Variants in HMGA2 observed in about 807,000 individuals in gnomAD.
HMGA2 encodes the protein high mobility group protein HMGI-C.
Under a neutral mutation model 19.1 loss-of-function variants are expected in HMGA2, and 8 were observed. The ratio of observed to expected loss-of-function variants is 0.42; its 90% confidence interval spans 0.25 to 0.76. HMGA2 has a LOEUF of 0.76. Ranked by LOEUF, HMGA2 falls within the 30% of genes least tolerant of loss-of-function variation. The pLI is 0.28. For missense variants in HMGA2, 109 were observed against 136.3 expected, an observed-to-expected ratio of 0.80 and a Z score of 1.00; for synonymous variants, 60 against 48.8, an observed-to-expected ratio of 1.23 and a Z score of -0.96.
chr12:65,943,032 A>G (rs1487073315), intron 3 of HMGA2, among the ~76,000 whole-genome samples: 1 of 152,018 alleles, frequency 6.6e-6, no homozygotes, highest in Non-Finnish European at 1.5e-5. Context: ...TCCATATTTG[A>G]TGAGCACGCC....
intron 3 of HMGA2, chr12:65,856,966 A>G (rs1871776516): frequency 6.6e-6 from 1 of 152,256 alleles, no homozygotes; most frequent in African/African-American, 2.4e-5. Flanking sequence ...ATTCATAGAG[A>G]CAAGGTGGGT....
At chr12:65,935,890 TAGG>T (rs2121279458) in intron 3 of HMGA2, among the ~76,000 whole-genome samples, 1 of 152,264 alleles carries the variant, frequency 6.6e-6, no homozygotes, top group Admixed American at 6.5e-5. Context: ...GTTTTGAAGA[TAGG>T]AGAACAAGGG....
chr12:65,860,153 C>A, intron 3 of HMGA2: 1 of 362,158 alleles, frequency 2.8e-6, no homozygotes, highest in Admixed American at 2.9e-5. Flanking sequence ...ACCTACTGAA[C>A]ATCCTAGCTT....
intron 3 of HMGA2, among the ~76,000 whole-genome samples, chr12:65,852,417 C>T (rs376628286): frequency 2.7e-4 from 41 of 152,236 alleles, no homozygotes; most frequent in Middle Eastern, 3.4e-3. Flanking sequence ...GCCAAAGAAT[C>T]TCTTGAACTC....
chr12:65,928,806 GACCACC>G (rs1217846846), intron 3 of HMGA2, among the ~76,000 whole-genome samples: 1 of 152,092 alleles, frequency 6.6e-6, no homozygotes, highest in African/African-American at 2.4e-5. Flanking sequence ...AATCTTCTGG[GACCACC>G]ACCATATATG....
intron 3 of HMGA2, among the ~76,000 whole-genome samples, chr12:65,888,594 C>T (rs1424946933): frequency 1.2e-5 from 1 of 80,794 alleles, no homozygotes; most frequent in Non-Finnish European, 2.1e-5. Context: ...GACAGAGTCT[C>T]ACTCTGTCGC....
At chr12:65,962,605 C>T (rs1006695092) in intron 4 of HMGA2, among the ~76,000 whole-genome samples, 1 of 152,324 alleles carries the variant, frequency 6.6e-6, no homozygotes, top group Middle Eastern at 3.4e-3. Context: ...TGCTCTCACA[C>T]TGCCTCTGCA....
intron 3 of HMGA2, among the ~76,000 whole-genome samples, chr12:65,907,327 T>C (rs994728724): frequency 7.3e-5 from 11 of 151,100 alleles, no homozygotes. Context: ...GGAGAATAGC[T>C]TGAACCAGGG....
At chr12:65,833,906 A>G (rs1160801221) in intron 2 of HMGA2, among the ~76,000 whole-genome samples, 1 of 152,218 alleles carries the variant, frequency 6.6e-6, no homozygotes, top group Admixed American at 6.5e-5. Flanking sequence ...ATTTGTGGGT[A>G]GCATTTTAAA....
intron 2 of HMGA2, among the ~76,000 whole-genome samples, chr12:65,836,479 G>A (rs868321042): frequency 6.6e-6 from 1 of 152,156 alleles, no homozygotes; most frequent in Non-Finnish European, 1.5e-5. Flanking sequence ...TAGGAATGAT[G>A]TCTCACAGGA....
intron 3 of HMGA2, among the ~76,000 whole-genome samples, chr12:65,872,217 C>T (rs2121041570): frequency 6.6e-6 from 1 of 152,302 alleles, no homozygotes; most frequent in Middle Eastern, 3.4e-3. Flanking sequence ...GGACACTTCT[C>T]AGTCCCCGTC....
intron 3 of HMGA2, among the ~76,000 whole-genome samples, chr12:65,862,290 C>CACAA (rs1872137241): frequency 6.6e-6 from 1 of 150,856 alleles, no homozygotes; most frequent in African/African-American, 2.5e-5. Flanking sequence ...CACACACACA[C>CACAA]ACACACACAC....
chr12:65,944,954 C>G (rs1269017724), intron 3 of HMGA2, among the ~76,000 whole-genome samples: 1 of 152,098 alleles, frequency 6.6e-6, no homozygotes, highest in Admixed American at 6.6e-5. Flanking sequence ...ACACTGCAGC[C>G]TCGAACTTCT....
chr12:65,905,259 A>G (rs954703638), intron 3 of HMGA2, among the ~76,000 whole-genome samples: 1 of 152,114 alleles, frequency 6.6e-6, no homozygotes, highest in African/African-American at 2.4e-5. Flanking sequence ...TATAATTAAC[A>G]ATATTGATAT....
intron 3 of HMGA2, among the ~76,000 whole-genome samples, chr12:65,914,066 A>G (rs1274755147): frequency 6.6e-6 from 1 of 152,188 alleles, no homozygotes; most frequent in East Asian, 1.9e-4. Flanking sequence ...TAGTTCAACC[A>G]TTGTGGAAGT....
intron 3 of HMGA2, among the ~76,000 whole-genome samples, chr12:65,907,977 C>T (rs1025106915): frequency 6.6e-6 from 1 of 152,140 alleles, no homozygotes; most frequent in Non-Finnish European, 1.5e-5. Flanking sequence ...TCTTTTTACA[C>T]TTAATTACTC....
chr12:65,835,479 AGTTTACAT>A (rs1422770581), intron 2 of HMGA2, among the ~76,000 whole-genome samples: 1 of 152,218 alleles, frequency 6.6e-6, no homozygotes, highest in Non-Finnish European at 1.5e-5. Flanking sequence ...AGAGGGTTTC[AGTTTACAT>A]GTAACACTGG....
At chr12:65,915,025 T>A in intron 3 of HMGA2, 1 of 1,612,524 alleles carries the variant, frequency 6.2e-7, no homozygotes, top group South Asian at 1.1e-5. Context: ...GAGGTATTCA[T>A]GCCATATGCC....
At chr12:65,851,730 C>G in intron 3 of HMGA2, 1 of 375,280 alleles carries the variant, frequency 2.7e-6, no homozygotes, top group Non-Finnish European at 5.4e-6. Flanking sequence ...TTTCCATTTT[C>G]CACAATAACA....
Sources: gnomAD v4.1 joint callset for allele counts (sites outside exome capture counted in the v4.1 genomes callset) on GRCh38, gnomAD v4.1.1 for gene constraint, MANE v1.5 for transcripts, NCBI Gene and HGNC (gene_info 2026-07-23, HGNC 2026-07-21) for gene names.